Variants in CUL3 observed in about 807,000 individuals in gnomAD.
CUL3 encodes cullin-3.
CUL3 carries 19 observed loss-of-function variants against 89.1 expected under a neutral mutation model. The ratio of observed to expected loss-of-function variants is 0.21; its 90% CI spans 0.15 to 0.31. CUL3 has a LOEUF of 0.31. Ranked by LOEUF, CUL3 falls within the 10% of genes least tolerant of loss-of-function variation. CUL3 has a pLI of 1.00. For missense variants in CUL3, 469 were observed against 942.3 expected, an observed-to-expected ratio of 0.50 and a Z score of 6.58; for synonymous variants, 351 against 308.4, an observed-to-expected ratio of 1.14 and a Z score of -1.45.
In CUL3 at chr2:224,481,968, C is replaced by T. The variant is rs756984902; in HGVS notation, c.1953G>A (p.Lys651=). 5.6e-6 allele frequency: 9 copies of T among 1,606,370 alleles called. No individual in the cohort carries two copies. The highest frequency in any genetic ancestry group is 7.6e-6 in the Non-Finnish European group (9 of 1,176,902). Residue 651 remains lysine (K), a synonymous_variant, in exon 14 of 16, where the codon AAG becomes AAA. Coordinates refer to ENST00000264414, the MANE Select transcript of CUL3 (RefSeq NM_003590.5). ...QRVLTKEPKS[K]EIENGHIFTV... is the part of the protein sequence containing the mutation. Reference sequence around the variant, plus strand: ...TAAATATATGACCATTTTCTATTTCCTTTGATTTGGGTTCTTTTGTAAGAA... The same window carrying T: ...TAAATATATGACCATTTTCTATTTCTTTTGATTTGGGTTCTTTTGTAAGAA...
intron 2 of CUL3, among the ~76,000 whole-genome samples, chr2:224,542,509 GTGTGTA>G (rs1337345271): frequency 6.6e-6 from 1 of 150,704 alleles, no homozygotes; most frequent in African/African-American, 2.5e-5. Context: ...GTGTGTGTGT[GTGTGTA>G]TGTGTGTGTG....
At chr2:224,534,806 C>A (rs1693822383) in intron 3 of CUL3, among the ~76,000 whole-genome samples, 2 of 151,564 alleles carry the variant, frequency 1.3e-5, no homozygotes, top group Admixed American at 1.3e-4. Context: ...TGTGGTGAAA[C>A]CCCGTCTCTA....
intron 1 of CUL3, among the ~76,000 whole-genome samples, chr2:224,575,549 A>G (rs1695280009): frequency 6.6e-6 from 1 of 152,226 alleles, no homozygotes; most frequent in Non-Finnish European, 1.5e-5. Flanking sequence ...CATTAACGTG[A>G]GAAGGAACCA....
intron 1 of CUL3, among the ~76,000 whole-genome samples, chr2:224,571,661 AT>A (rs948650251): frequency 2.6e-5 from 4 of 151,588 alleles, no homozygotes; most frequent in African/African-American, 9.7e-5. Flanking sequence ...ACCAAAAAAA[AT>A]GTACACAAGA....
intron 2 of CUL3, among the ~76,000 whole-genome samples, chr2:224,545,399 C>T (rs983567156): frequency 6.6e-6 from 1 of 152,054 alleles, no homozygotes; most frequent in African/African-American, 2.4e-5. Flanking sequence ...GAAGATTCCT[C>T]ATTAAGTAAT....
intron 14 of CUL3, chr2:224,479,259 T>C (rs570416847): frequency 1.3e-5 from 2 of 152,234 alleles, no homozygotes; most frequent in South Asian, 2.1e-4. Flanking sequence ...ATCATTCTGG[T>C]GTGCGTATCC....
At chr2:224,535,500 A>G in intron 3 of CUL3, 28 bp downstream of exon 3, 1 of 1,463,240 alleles carries the variant, frequency 6.8e-7, no homozygotes, top group Non-Finnish European at 9.3e-7. Context: ...TGCTTAAAGG[A>G]AGAAAACATT....
Position 224,581,789 on chromosome 2 carries a change from G to A in CUL3, c.66+3155C>T, listed in dbSNP as rs570754113. On this transcript the variant is annotated intron_variant, in intron 1 of 15. Transcript: ENST00000264414. The stretch of plus-strand genomic sequence containing the variant: ...CTCTCCCGAAGTGCTAGGATTACAG[G>A]TGTGAAGGTGTGAATCACCTTGCCC... 3.3e-5 allele frequency among the ~76,000 whole-genome samples: 5 copies of A among 151,934 alleles called. 1 individual carries two copies. The South Asian group carries it at 1.0e-3, about 32-fold the overall frequency.
At chr2:224,512,523 T>G (rs1332820024) in intron 5 of CUL3, among the ~76,000 whole-genome samples, 2 of 152,248 alleles carry the variant, frequency 1.3e-5, no homozygotes, top group East Asian at 1.9e-4. Flanking sequence ...TACTATCTTA[T>G]GTTTACTAGT....
intron 2 of CUL3, among the ~76,000 whole-genome samples, chr2:224,552,101 T>C (rs919584781): frequency 1.3e-5 from 2 of 152,262 alleles, no homozygotes; most frequent in African/African-American, 4.8e-5. Context: ...GCAAACAGTT[T>C]TGAATGCTGA....
chr2:224,483,890 A>G (rs1201045276), intron 13 of CUL3, among the ~76,000 whole-genome samples: 1 of 152,218 alleles, frequency 6.6e-6, no homozygotes, highest in African/African-American at 2.4e-5. Flanking sequence ...CCTCAAAGTT[A>G]TAAATATTTT....
intron 3 of CUL3, among the ~76,000 whole-genome samples, chr2:224,531,398 T>C (rs1205238841): frequency 2.0e-5 from 3 of 151,380 alleles, no homozygotes; most frequent in Non-Finnish European, 4.4e-5. Context: ...TAAAATAGCA[T>C]ATTTTTAATA....
At chr2:224,524,155 G>A (rs1159223960) in intron 3 of CUL3, among the ~76,000 whole-genome samples, 3 of 152,092 alleles carry the variant, frequency 2.0e-5, no homozygotes, top group African/African-American at 4.8e-5. Flanking sequence ...TAGACTTGTA[G>A]GGCCAAGATT....
chr2:224,473,909 T>C lies in CUL3; in HGVS notation c.*336A>G, dbSNP rs979672720. ...CATCAACACTGAAGACCTGGGGAAATGAAATCCAACAATTTTATTGTAATG... is the reference window on the plus strand; with the variant it reads ...CATCAACACTGAAGACCTGGGGAAACGAAATCCAACAATTTTATTGTAATG... On this transcript the variant is annotated 3_prime_UTR_variant, in exon 16 of 16. Transcript: ENST00000264414. 3 of 230,852 alleles carry C rather than the reference T, an allele frequency of 1.3e-5. No homozygotes were observed. Among genetic ancestry groups the C allele is most frequent in the Admixed American group, 5.4e-5 (1 of 18,448 alleles). 14.3% of individuals were successfully genotyped at this position (230,852 alleles called of 1,614,324 possible). A position where few individuals can be genotyped will look rare whatever the true frequency, so the allele number is the denominator to read the frequency against.
chr2:224,525,508 C>A (rs914345859), intron 3 of CUL3, among the ~76,000 whole-genome samples: 1 of 151,996 alleles, frequency 6.6e-6, no homozygotes, highest in African/African-American at 2.4e-5. Context: ...TAAATGATAT[C>A]TGTTGTTATG....
chr2:224,585,145 G>A lies in CUL3; in HGVS notation c.-136C>T. 2.1e-6 allele frequency: 1 copy of A among 487,628 alleles called. No individual in the cohort carries two copies. The highest frequency in any genetic ancestry group is 2.8e-6 in the Non-Finnish European group (1 of 353,962). The allele number at this position is 487,628 out of a possible 1,614,324, so 30.2% of individuals were successfully genotyped here. On this transcript the variant is annotated 5_prime_UTR_variant, in exon 1 of 16. Transcript: ENST00000264414. ...ACCCCCGGGCAGGGCTGGGGAGCTG[G>A]CCGGCCCCTGGGCAGCCGCGGCGGC...
intron 2 of CUL3, among the ~76,000 whole-genome samples, chr2:224,538,129 T>G (rs1414249138): frequency 6.6e-6 from 1 of 151,962 alleles, no homozygotes; most frequent in Non-Finnish European, 1.5e-5. Flanking sequence ...AAGAGCTAAT[T>G]TTGTTTATTT....
At chr2:224,502,355 A>G (rs1276299769) in intron 10 of CUL3, among the ~76,000 whole-genome samples, 2 of 152,218 alleles carry the variant, frequency 1.3e-5, no homozygotes, top group African/African-American at 4.8e-5. Context: ...AAATGAAACT[A>G]AATTCTGAAT....
In CUL3 at chr2:224,565,543, GTTTGT is replaced by G. The variant is rs368883072; in HGVS notation, c.67-7692_67-7688del. On this transcript the variant is annotated intron_variant, in intron 1 of 15. Transcript: ENST00000264414. ...ATCTGTTCCCAAATCTTTTGCCACT[GTTTGT>G]TTTAAGTTTCAGTGCCCACATCATA... 5.8e-3 allele frequency among the ~76,000 whole-genome samples: 881 copies of G among 152,302 alleles called. 3 individuals carry two copies. Among genetic ancestry groups the G allele is most frequent in the Middle Eastern group, 0.01 (3 of 294 alleles).
Sources: gnomAD v4.1 joint callset for allele counts (sites outside exome capture counted in the v4.1 genomes callset) on GRCh38, gnomAD v4.1.1 for gene constraint, MANE v1.5 for transcripts, NCBI Gene and HGNC (gene_info 2026-07-23, HGNC 2026-07-21) for gene names.